The following KIF26B variants were observed in gnomAD, a reference collection of about 807,000 sequenced individuals.
The protein encoded by KIF26B is kinesin family member 26B, also known as kinesin-like protein KIF26B.
In KIF26B, 63 loss-of-function variants were observed where a neutral mutation model predicts 151.2. That is an observed-to-expected ratio of 0.42 (90% CI 0.34 to 0.51). The LOEUF (loss-of-function observed/expected upper bound fraction) is 0.51, where lower values mean the gene tolerates loss of function less well. Ranked by LOEUF, KIF26B falls within the 20% of genes least tolerant of loss-of-function variation. KIF26B has a pLI of 0.07. For synonymous variants in KIF26B, 1,357 were observed against 1,262.1 expected (o/e 1.08, Z -1.59); for missense variants, 2,813 against 2,913.6 (o/e 0.97, Z 0.79).
chr1:245,522,335 A>G (rs1412855983), intron 4 of KIF26B, among the ~76,000 whole-genome samples: 1 of 144,152 alleles, frequency 6.9e-6, no homozygotes, highest in Non-Finnish European at 1.5e-5. Context: ...CAGCTGTGTT[A>G]GTTAGCTTAA....
chr1:245,478,042 G>A (rs1280569357), intron 4 of KIF26B, among the ~76,000 whole-genome samples: 2 of 151,688 alleles, frequency 1.3e-5, no homozygotes, highest in Non-Finnish European at 2.9e-5. Context: ...CTGGCTCTAC[G>A]GACTTGCCTA....
intron 8 of KIF26B, among the ~76,000 whole-genome samples, chr1:245,610,114 C>T (rs2043503145): frequency 6.6e-6 from 1 of 152,162 alleles, no homozygotes; most frequent in Admixed American, 6.5e-5. Context: ...AGCTGCAATT[C>T]ATTCATATCC....
intron 2 of KIF26B, among the ~76,000 whole-genome samples, chr1:245,197,892 C>T (rs917319736): frequency 6.6e-6 from 1 of 152,144 alleles, no homozygotes; most frequent in African/African-American, 2.4e-5. Flanking sequence ...TTAGCACTCC[C>T]ATGCGTACTG....
chr1:245,452,047 A>G (rs1186642902), intron 4 of KIF26B, among the ~76,000 whole-genome samples: 1 of 152,128 alleles, frequency 6.6e-6, no homozygotes, highest in African/African-American at 2.4e-5. Context: ...TGTTTTCAAA[A>G]CTTTTTCATC....
intron 2 of KIF26B, among the ~76,000 whole-genome samples, chr1:245,348,646 C>T (rs1672506072): frequency 6.6e-6 from 1 of 152,166 alleles, no homozygotes; most frequent in Non-Finnish European, 1.5e-5. Flanking sequence ...AAGGCTTTAC[C>T]TCCAGCCATC....
chr1:245,471,861 G>A (rs1281218662), intron 4 of KIF26B, among the ~76,000 whole-genome samples: 2 of 151,040 alleles, frequency 1.3e-5, no homozygotes, highest in Non-Finnish European at 1.5e-5. Context: ...GCACGATCTC[G>A]GCTCACTGCA....
intron 2 of KIF26B, among the ~76,000 whole-genome samples, chr1:245,235,294 T>G (rs1384406058): frequency 6.6e-6 from 1 of 152,176 alleles, no homozygotes; most frequent in Non-Finnish European, 1.5e-5. Flanking sequence ...CTTTTAAATT[T>G]CCGTTAAGAC....
Position 245,698,220 on chromosome 1 carries a change from C to T in KIF26B, c.5939C>T (p.Pro1980Leu), listed in dbSNP as rs200571471. Reference sequence around the variant, plus strand: ...GTGGATGGCCCCTTGCGGAGCAGCCCGAGGGGCCTTGGGGAACCCTTTGAG... The same window carrying T: ...GTGGATGGCCCCTTGCGGAGCAGCCTGAGGGGCCTTGGGGAACCCTTTGAG... Reference protein sequence around the residue: ...RWVDGPLRSSPRGLGEPFEIK... With the variant: ...RWVDGPLRSSLRGLGEPFEIK... Residue 1980 changes from proline to leucine, a missense_variant, in exon 13 of 15, where the codon CCG becomes CTG. Pro to Leu is a moderately conservative substitution (Grantham distance 98). Coordinates refer to ENST00000407071, the MANE Select transcript of KIF26B (RefSeq NM_018012.4). This position sits in a 1 kb window ranked among gnomAD's most constrained non-coding sequence, Gnocchi z 4.0. 4.8e-5 allele frequency: 78 copies of T among 1,613,984 alleles called. No individual in the cohort carries two copies. In the African/African-American group the frequency reaches 4.9e-4, roughly 10 times the overall value.
At chr1:245,380,936 A>T (rs577789666) in intron 3 of KIF26B, among the ~76,000 whole-genome samples, 1 of 144,828 alleles carries the variant, frequency 6.9e-6, no homozygotes, top group Non-Finnish European at 1.5e-5. Flanking sequence ...ACCGAAAGAC[A>T]CTGATGGGCC....
At chr1:245,414,736 C>G (rs1325398800) in intron 3 of KIF26B, among the ~76,000 whole-genome samples, 4 of 152,230 alleles carry the variant, frequency 2.6e-5, no homozygotes, top group Non-Finnish European at 5.9e-5. Context: ...TACACACACA[C>G]AGACACACGC....
At chr1:245,387,893 A>G (rs1223218854) in intron 3 of KIF26B, among the ~76,000 whole-genome samples, 2 of 151,682 alleles carry the variant, frequency 1.3e-5, no homozygotes, top group African/African-American at 2.4e-5. Flanking sequence ...ACTTCCCCCA[A>G]CCTCTGGTCA....
intron 4 of KIF26B, among the ~76,000 whole-genome samples, chr1:245,449,448 TC>T (rs1659335976): frequency 6.6e-6 from 1 of 152,104 alleles, no homozygotes; most frequent in Admixed American, 6.6e-5. Context: ...TGTCTAGTAA[TC>T]ACTTGCATTG....
chr1:245,240,553 C>T (rs1670197001), intron 2 of KIF26B, among the ~76,000 whole-genome samples: 2 of 152,150 alleles, frequency 1.3e-5, no homozygotes, highest in Non-Finnish European at 2.9e-5. Context: ...TGCCCTCAGA[C>T]TCTCGTGAGA....
chr1:245,309,129 G>C (rs1307518867), intron 2 of KIF26B, among the ~76,000 whole-genome samples: 1 of 152,200 alleles, frequency 6.6e-6, no homozygotes, highest in African/African-American at 2.4e-5. Flanking sequence ...TGTGCAGGGA[G>C]CATAGCTGAG....
chr1:245,631,025 T>G (rs960575178), intron 9 of KIF26B, among the ~76,000 whole-genome samples: 58 of 152,326 alleles, frequency 3.8e-4, no homozygotes, highest in African/African-American at 1.3e-3. Flanking sequence ...TCAGAGTTTT[T>G]GGTGGAATCT....
chr1:245,552,616 A>ATTT (rs3038129), intron 5 of KIF26B, among the ~76,000 whole-genome samples: 45,493 of 138,204 alleles, frequency 0.33, 7,721 homozygotes, highest in Non-Finnish European at 0.36. Context: ...ATCTTCCTGG[A>ATTT]TTTTTTTTTT....
At chr1:245,312,519 A>T (rs891208904) in intron 2 of KIF26B, among the ~76,000 whole-genome samples, 1 of 151,708 alleles carries the variant, frequency 6.6e-6, no homozygotes, top group African/African-American at 2.4e-5. Context: ...CCCCTAGGAC[A>T]CTCATTAGCA....
intron 2 of KIF26B, among the ~76,000 whole-genome samples, chr1:245,204,322 A>G (rs1360961757): frequency 6.6e-6 from 1 of 152,172 alleles, no homozygotes. Flanking sequence ...GCATCACTCC[A>G]AACTGTACTC....
chr1:245,365,178 A>G lies in KIF26B; in HGVS notation c.466-1656A>G, dbSNP rs535059758. ...CTGCTACACGCTCTGAGTTGTGATT[A>G]GAGACTCTCTGGCCCTGTCATCGAG... is the stretch of plus-strand genomic sequence containing the variant. On this transcript the variant is annotated intron_variant, in intron 2 of 14. Transcript: ENST00000407071. Among the ~76,000 whole-genome samples, 37 of 152,314 alleles carry G rather than the reference A, an allele frequency of 2.4e-4. No individual in the cohort carries two copies. In the Middle Eastern group the frequency reaches 0.01, roughly 42 times the overall value.
Sources: gnomAD v4.1 joint callset for allele counts (sites outside exome capture counted in the v4.1 genomes callset) on GRCh38, gnomAD v4.1.1 for gene constraint, Gnocchi (gnomAD v3.1) non-coding constraint, MANE v1.5 for transcripts, NCBI Gene and HGNC (gene_info 2026-07-23, HGNC 2026-07-21) for gene names.